Variants in PXDNL observed in about 807,000 individuals in gnomAD.
PXDNL encodes peroxidasin like, also known as probable oxidoreductase PXDNL.
In PXDNL, 145 loss-of-function variants were observed where a neutral mutation model predicts 150.8. The ratio of observed to expected loss-of-function variants is 0.96; its 90% CI spans 0.84 to 1.10. The LOEUF (loss-of-function observed/expected upper bound fraction) is 1.10. Ranked by LOEUF, PXDNL falls within the 50% of genes least tolerant of loss-of-function variation. The pLI is 0.00. For missense variants in PXDNL, 2,087 were observed against 1,873.9 expected (o/e 1.11, Z -2.10); for synonymous variants, 757 against 725.7 (o/e 1.04, Z -0.69).
chr8:51,656,768 A>G (rs1355138996), intron 1 of PXDNL, among the ~76,000 whole-genome samples: 2 of 152,218 alleles, frequency 1.3e-5, no homozygotes, highest in East Asian at 3.8e-4. Context: ...AGTTGCTTCT[A>G]CTCATAATTT....
chr8:51,556,807 G>A (rs764602979), intron 4 of PXDNL, 33 bp downstream of exon 4: 6 of 1,134,302 alleles, frequency 5.3e-6, no homozygotes, highest in South Asian at 3.7e-5. Flanking sequence ...CTGTCACCAT[G>A]AGTGATTTAA....
At chr8:51,618,765 C>T (rs1471341373) in intron 2 of PXDNL, among the ~76,000 whole-genome samples, 1 of 152,206 alleles carries the variant, frequency 6.6e-6, no homozygotes, top group Non-Finnish European at 1.5e-5. Flanking sequence ...GGTCCACCCT[C>T]CTAGCCTGCA....
At chr8:51,715,789 A>G (rs943635536) in intron 1 of PXDNL, among the ~76,000 whole-genome samples, 1 of 152,160 alleles carries the variant, frequency 6.6e-6, no homozygotes, top group African/African-American at 2.4e-5. Context: ...CTAAGGCAGG[A>G]GTAACTTCAT....
chr8:51,399,009 G>T (rs1261207644), intron 17 of PXDNL, among the ~76,000 whole-genome samples: 1 of 152,104 alleles, frequency 6.6e-6, no homozygotes, highest in Admixed American at 6.5e-5. Context: ...TATATAAGAG[G>T]AGATTGAAGA....
intron 3 of PXDNL, among the ~76,000 whole-genome samples, chr8:51,571,146 A>T (rs1812932598): frequency 6.6e-6 from 1 of 151,806 alleles, no homozygotes; most frequent in South Asian, 2.1e-4. Context: ...TCTATCTATT[A>T]ACATGTACAA....
chr8:51,406,040 C>G (rs895473153), intron 17 of PXDNL, among the ~76,000 whole-genome samples: 1 of 152,232 alleles, frequency 6.6e-6, no homozygotes, highest in Admixed American at 6.5e-5. Flanking sequence ...ACTCATACTT[C>G]ACATCAGCCA....
Position 51,372,142 on chromosome 8 carries a change from T to C in PXDNL, c.3693-61A>G, listed in dbSNP as rs564772630. The C allele has an allele frequency of 1.0e-4, 131 of 1,256,032 alleles. 1 individual carries two copies. In the South Asian group the frequency reaches 1.7e-3, roughly 16 times the overall value. 77.8% of individuals were successfully genotyped at this position (1,256,032 alleles called of 1,614,324 possible). ...TCTGTGGCCTGAGAACTCAGCTGCA[T>C]GTCAAACAGCCACAATGCACCAAGA... On this transcript the variant is annotated intron_variant, in intron 18 of 22. Coordinates refer to ENST00000356297, the MANE Select transcript of PXDNL (RefSeq NM_144651.5).
At chr8:51,726,498 C>T (rs889110710) in intron 1 of PXDNL, among the ~76,000 whole-genome samples, 19 of 152,216 alleles carry the variant, frequency 1.2e-4, no homozygotes, top group Admixed American at 9.2e-4. Context: ...AAAACATAGA[C>T]GTGACTATGC....
At chr8:51,536,933 T>C (rs888260818) in intron 4 of PXDNL, among the ~76,000 whole-genome samples, 1 of 152,238 alleles carries the variant, frequency 6.6e-6, no homozygotes, top group African/African-American at 2.4e-5. Context: ...TAAAAATCCA[T>C]TTAAAGCCCA....
chr8:51,531,420 A>G (rs1311410312), intron 4 of PXDNL, among the ~76,000 whole-genome samples: 1 of 152,074 alleles, frequency 6.6e-6, no homozygotes, highest in Admixed American at 6.5e-5. Flanking sequence ...GGAGTGGATA[A>G]CCTGTCCGCC....
rs148282735 is a variant in PXDNL, at chr8:51,774,068, G to C, written c.164+35113C>G. On this transcript the variant is annotated intron_variant, in intron 1 of 22. Coordinates refer to ENST00000356297, the MANE Select transcript of PXDNL (RefSeq NM_144651.5). ...AAGTGTAATTTCAGCACTTTGAAAT[G>C]AATGTTTTTATTCAGTCTAATTTAG... Among the ~76,000 whole-genome samples the C allele has an allele frequency of 3.8e-3, 583 of 152,300 alleles. 3 individuals are homozygous for C. Among genetic ancestry groups the C allele is most frequent in the African/African-American group, 0.013 (561 of 41,574 alleles).
chr8:51,327,307 A>G (rs1805530487), intron 21 of PXDNL, among the ~76,000 whole-genome samples: 1 of 152,216 alleles, frequency 6.6e-6, no homozygotes, highest in Non-Finnish European at 1.5e-5. Context: ...AACGCCAGTG[A>G]AAGAAAAAAC....
chr8:51,470,432 AT>A (rs1401794367), intron 8 of PXDNL, among the ~76,000 whole-genome samples: 1 of 152,146 alleles, frequency 6.6e-6, no homozygotes, highest in Non-Finnish European at 1.5e-5. Flanking sequence ...AGCAAAAAAA[AT>A]CAGAGTTGAT....
intron 3 of PXDNL, among the ~76,000 whole-genome samples, chr8:51,590,724 T>C (rs1172377349): frequency 1.4e-5 from 2 of 142,566 alleles, no homozygotes; most frequent in Non-Finnish European, 3.0e-5. Context: ...GTAGATATCT[T>C]GTTTTTTTTT....
At chr8:51,404,737 A>C (rs550256431) in intron 17 of PXDNL, among the ~76,000 whole-genome samples, 1 of 152,316 alleles carries the variant, frequency 6.6e-6, no homozygotes, top group Admixed American at 6.5e-5. Flanking sequence ...TCCCCACTAG[A>C]CTCAGGAGCC....
rs1238069933 is a variant in PXDNL, at chr8:51,600,105, A to G, written c.237-7407T>C. Among the ~76,000 whole-genome samples, 2 of 140,992 alleles carry G rather than the reference A, an allele frequency of 1.4e-5. 1 individual carries two copies. Among genetic ancestry groups the G allele is most frequent in the Non-Finnish European group, 3.1e-5 (2 of 65,290 alleles). The allele number at this position is 140,992 out of a possible 152,430, so 92.5% of individuals were successfully genotyped here. On this transcript the variant is annotated intron_variant, in intron 2 of 22. Transcript: ENST00000356297. Reference sequence around the variant, plus strand: ...TGACATCGTTTAGATAATAAATTATATCATATAAATTATATCGTTTAGATA... The same window carrying G: ...TGACATCGTTTAGATAATAAATTATGTCATATAAATTATATCGTTTAGATA...
chr8:51,724,283 G>A (rs978680260), intron 1 of PXDNL, among the ~76,000 whole-genome samples: 1 of 152,112 alleles, frequency 6.6e-6, no homozygotes, highest in Admixed American at 6.5e-5. Context: ...GATCCTAGAG[G>A]ACAGGCCTAT....
At chr8:51,322,754 G>A (rs567628042) in intron 21 of PXDNL, among the ~76,000 whole-genome samples, 5 of 152,198 alleles carry the variant, frequency 3.3e-5, no homozygotes, top group Non-Finnish European at 7.3e-5. Flanking sequence ...TGATGTGAAA[G>A]AATTTTGATT....
chr8:51,758,786 T>A (rs917456192), intron 1 of PXDNL, among the ~76,000 whole-genome samples: 1 of 152,142 alleles, frequency 6.6e-6, no homozygotes, highest in African/African-American at 2.4e-5. Flanking sequence ...CTTTCCTTTA[T>A]AAATCACCCA....
Sources: allele counts gnomAD v4.1 joint callset (sites outside exome capture counted in the v4.1 genomes callset), GRCh38; gene constraint gnomAD v4.1.1; transcripts MANE v1.5; gene names NCBI Gene and HGNC (gene_info 2026-07-23, HGNC 2026-07-21).